The following TMEFF2 variants were observed in gnomAD, a reference collection of about 807,000 sequenced individuals.
The protein encoded by TMEFF2 is tomoregulin-2.
In TMEFF2, 28 loss-of-function variants were observed where a neutral mutation model predicts 53.8. The observed-to-expected ratio is 0.52, with a 90% CI of 0.39 to 0.71. The LOEUF (loss-of-function observed/expected upper bound fraction) is 0.71, where lower values mean the gene tolerates loss of function less well. TMEFF2 is among the 30% of genes least tolerant of loss of function. TMEFF2 has a pLI of 0.00. For synonymous variants in TMEFF2, 162 were observed against 166.3 expected (o/e 0.97, Z 0.20); for missense variants, 353 against 455.2 (o/e 0.78, Z 2.04).
At chr2:192,148,339 A>T (rs1690302904) in intron 4 of TMEFF2, among the ~76,000 whole-genome samples, 1 of 152,012 alleles carries the variant, frequency 6.6e-6, no homozygotes, top group Admixed American at 6.6e-5. Flanking sequence ...TATGACTATC[A>T]CAGAAGGGAA....
intron 4 of TMEFF2, among the ~76,000 whole-genome samples, chr2:192,110,359 G>A (rs977219484): frequency 2.6e-5 from 4 of 152,008 alleles, no homozygotes; most frequent in African/African-American, 9.7e-5. Context: ...ATTAGGAAGT[G>A]GAGTTAGAGG....
intron 4 of TMEFF2, among the ~76,000 whole-genome samples, chr2:192,087,403 A>C (rs1452535728): frequency 2.0e-5 from 3 of 152,116 alleles, no homozygotes; most frequent in Non-Finnish European, 4.4e-5. Flanking sequence ...TTGGTCCTGA[A>C]GTGTGTGGGT....
intron 4 of TMEFF2, among the ~76,000 whole-genome samples, chr2:192,087,710 T>A (rs574209954): frequency 2.8e-4 from 43 of 152,272 alleles, no homozygotes; most frequent in Non-Finnish European, 5.6e-4. Context: ...CTATGTTTAA[T>A]GTACAGTGGG....
intron 4 of TMEFF2, among the ~76,000 whole-genome samples, chr2:192,087,649 C>T (rs765703768): frequency 9.9e-5 from 15 of 152,022 alleles, no homozygotes; most frequent in Non-Finnish European, 2.1e-4. Flanking sequence ...GGAGCTGATC[C>T]GTTATAACTA....
chr2:192,188,833 A>T (rs377369025), intron 2 of TMEFF2, among the ~76,000 whole-genome samples: 29 of 7,556 alleles, frequency 3.8e-3, no homozygotes, highest in East Asian at 0.015. Context: ...TTTTCTATCT[A>T]TCTATCTATC....
intron 5 of TMEFF2, among the ~76,000 whole-genome samples, chr2:192,001,983 G>A (rs1686374682): frequency 6.6e-6 from 1 of 152,032 alleles, no homozygotes; most frequent in South Asian, 2.1e-4. Flanking sequence ...ACAATTGTGT[G>A]GGATATTTTA....
intron 5 of TMEFF2, among the ~76,000 whole-genome samples, chr2:192,017,858 C>A (rs986132410): frequency 2.6e-5 from 4 of 152,172 alleles, no homozygotes; most frequent in Non-Finnish European, 5.9e-5. Context: ...AACACTTGTT[C>A]TTTTCTCAGA....
At chr2:192,067,885 C>T (rs1436677964) in intron 4 of TMEFF2, among the ~76,000 whole-genome samples, 1 of 151,794 alleles carries the variant, frequency 6.6e-6, no homozygotes, top group Non-Finnish European at 1.5e-5. Context: ...CATACCTTGC[C>T]TAAATTTTAA....
rs142155623 is a variant in TMEFF2, at chr2:192,140,739, G to T, written c.439+38929C>A. Among the ~76,000 whole-genome samples the T allele has an allele frequency of 1.5e-4, 23 of 152,246 alleles. No homozygotes were observed. In the East Asian group the frequency reaches 2.3e-3, roughly 15 times the overall value. ...GGCAGAGGTAAGAGTGAAGTGGAAA[G>T]AATATTTCAGCTCAAAACAAGAAAA... On this transcript the variant is annotated intron_variant, in intron 4 of 9. Coordinates refer to ENST00000272771, the MANE Select transcript of TMEFF2 (RefSeq NM_016192.4).
intron 4 of TMEFF2, among the ~76,000 whole-genome samples, chr2:192,127,594 A>C (rs1689707544): frequency 6.6e-6 from 1 of 152,198 alleles, no homozygotes; most frequent in Non-Finnish European, 1.5e-5. Flanking sequence ...TTTGGGGCTA[A>C]CGTTGAAAAA....
chr2:192,133,622 T>G (rs1689917106), intron 4 of TMEFF2, among the ~76,000 whole-genome samples: 1 of 152,202 alleles, frequency 6.6e-6, no homozygotes, highest in African/African-American at 2.4e-5. Context: ...TCTCCTATTC[T>G]CAATACCTCC....
chr2:192,123,934 AACTC>A (rs1395099788), intron 4 of TMEFF2, among the ~76,000 whole-genome samples: 7 of 152,372 alleles, frequency 4.6e-5, no homozygotes, highest in East Asian at 1.9e-4. Flanking sequence ...TTGAATTTTC[AACTC>A]ACTCCTTTCT....
chr2:192,003,913 A>ATT (rs773692701), intron 5 of TMEFF2, among the ~76,000 whole-genome samples: 22 of 59,116 alleles, frequency 3.7e-4, no homozygotes, highest in Non-Finnish European at 7.6e-4. Context: ...GAGTGAAAAA[A>ATT]TTTGTGTGTG....
chr2:192,186,116 G>T (rs949540491), intron 2 of TMEFF2, among the ~76,000 whole-genome samples: 2 of 152,104 alleles, frequency 1.3e-5, no homozygotes, highest in African/African-American at 4.8e-5. Flanking sequence ...CTCAGTCTAT[G>T]TATGTGATTA....
chr2:191,996,502 T>C (rs1179733365), intron 7 of TMEFF2, among the ~76,000 whole-genome samples: 2 of 151,928 alleles, frequency 1.3e-5, no homozygotes, highest in East Asian at 1.9e-4. Context: ...AAATTTGTTT[T>C]CATTTAAAAT....
intron 7 of TMEFF2, among the ~76,000 whole-genome samples, chr2:191,997,068 C>T (rs4853651): frequency 0.98 from 149,591 of 152,058 alleles, 73,633 homozygotes; most frequent in Middle Eastern, 1. Context: ...ACCCATTTGT[C>T]TGTATGAGCT....
At chr2:192,111,503 G>A (rs181785971) in intron 4 of TMEFF2, among the ~76,000 whole-genome samples, 159 of 152,292 alleles carry the variant, frequency 1.0e-3, no homozygotes, top group African/African-American at 3.6e-3. Context: ...AAACATTTAA[G>A]ACATGACTTA....
chr2:192,063,793 A>G (rs1051260445), intron 4 of TMEFF2, among the ~76,000 whole-genome samples: 4 of 151,748 alleles, frequency 2.6e-5, no homozygotes, highest in Non-Finnish European at 5.9e-5. Flanking sequence ...TTCTTTTATC[A>G]TTATGAAATG....
intron 4 of TMEFF2, among the ~76,000 whole-genome samples, chr2:192,158,446 T>G (rs906156685): frequency 1.3e-5 from 2 of 152,118 alleles, no homozygotes; most frequent in African/African-American, 4.8e-5. Flanking sequence ...TGGCACAGAG[T>G]TGGTATTTCC....
Sources: allele counts gnomAD v4.1 joint callset (sites outside exome capture counted in the v4.1 genomes callset), GRCh38; gene constraint gnomAD v4.1.1; transcripts MANE v1.5; gene names NCBI Gene and HGNC (gene_info 2026-07-23, HGNC 2026-07-21).